The following OPCML variants were observed in gnomAD, a reference collection of about 807,000 sequenced individuals.
OPCML encodes opioid binding protein/cell adhesion molecule like, also known as opioid-binding protein/cell adhesion molecule.
In OPCML, 13 loss-of-function variants were observed where a neutral mutation model predicts 37.8. That is an observed-to-expected ratio of 0.34 (90% CI 0.22 to 0.55). The LOEUF is 0.55. Among genes scored for constraint, OPCML ranks in the 20% least tolerant of loss-of-function variants. The pLI is 0.91. For synonymous variants in OPCML, 176 were observed against 168.8 expected (o/e 1.04, Z -0.33); for missense variants, 341 against 435.6 (o/e 0.78, Z 1.93).
At chr11:133,245,663 G>A (rs753833792) in intron 1 of OPCML, among the ~76,000 whole-genome samples, 12 of 152,160 alleles carry the variant, frequency 7.9e-5, no homozygotes, top group Non-Finnish European at 1.5e-4. Flanking sequence ...ACTTCAGTAT[G>A]TTTTAAAGTC....
intron 2 of OPCML, among the ~76,000 whole-genome samples, chr11:132,727,040 A>C (rs994794221): frequency 1.3e-5 from 2 of 152,158 alleles, no homozygotes; most frequent in Non-Finnish European, 2.9e-5. Context: ...CTGCACATTC[A>C]TCAATGCTTA....
At chr11:132,448,742 T>A (rs148257186) in intron 4 of OPCML, among the ~76,000 whole-genome samples, 1 of 152,322 alleles carries the variant, frequency 6.6e-6, no homozygotes, top group East Asian at 1.9e-4. Flanking sequence ...CTGTGACTCA[T>A]GCTAACAGTA....
At chr11:132,748,325 C>G (rs765374931) in intron 2 of OPCML, among the ~76,000 whole-genome samples, 4 of 152,162 alleles carry the variant, frequency 2.6e-5, no homozygotes, top group Admixed American at 6.5e-5. Context: ...TTTCTACACT[C>G]TCACTCATTC....
intron 1 of OPCML, among the ~76,000 whole-genome samples, chr11:133,323,641 T>TGAG (rs987529822): frequency 6.6e-6 from 1 of 152,168 alleles, no homozygotes; most frequent in Non-Finnish European, 1.5e-5. Context: ...CCAAGTGGGC[T>TGAG]GAGGCATCCA....
intron 1 of OPCML, among the ~76,000 whole-genome samples, chr11:133,092,398 C>T (rs1312364829): frequency 6.6e-6 from 1 of 152,116 alleles, no homozygotes; most frequent in Admixed American, 6.6e-5. Flanking sequence ...AGACTGAGAA[C>T]CACAAAGAAT....
chr11:132,911,838 G>C (rs1944435722), intron 2 of OPCML, among the ~76,000 whole-genome samples: 1 of 152,188 alleles, frequency 6.6e-6, no homozygotes. Flanking sequence ...TTCTAGACTT[G>C]TCAGGCAGGT....
chr11:132,737,535 G>C (rs1211984482), intron 2 of OPCML, among the ~76,000 whole-genome samples: 1 of 152,086 alleles, frequency 6.6e-6, no homozygotes, highest in Non-Finnish European at 1.5e-5. Context: ...TCATTTATGT[G>C]ATACTATATA....
intron 3 of OPCML, among the ~76,000 whole-genome samples, chr11:132,648,145 T>C (rs1364084340): frequency 1.3e-5 from 2 of 152,232 alleles, no homozygotes; most frequent in Non-Finnish European, 2.9e-5. Flanking sequence ...AGTGACTGAC[T>C]AATCTTGCGG....
intron 3 of OPCML, among the ~76,000 whole-genome samples, chr11:132,633,649 AC>A (rs1235753238): frequency 2.0e-5 from 3 of 151,746 alleles, no homozygotes; most frequent in African/African-American, 7.3e-5. Flanking sequence ...AAGAGCTGAT[AC>A]CTCCTGATTT....
intron 1 of OPCML, among the ~76,000 whole-genome samples, chr11:133,496,795 T>TTCTG (rs1591566386): frequency 6.6e-6 from 1 of 152,198 alleles, no homozygotes; most frequent in East Asian, 1.9e-4. Context: ...TCTAGGAGCT[T>TTCTG]TCTGGAGGAG....
At chr11:133,427,455 C>A (rs1223413936) in intron 1 of OPCML, among the ~76,000 whole-genome samples, 4 of 151,692 alleles carry the variant, frequency 2.6e-5, no homozygotes, top group Non-Finnish European at 5.9e-5. Flanking sequence ...AAAATGAAGA[C>A]AAAACTTACC....
At chr11:132,912,801 A>G (rs1417899184) in intron 2 of OPCML, among the ~76,000 whole-genome samples, 1 of 152,198 alleles carries the variant, frequency 6.6e-6, no homozygotes, top group Non-Finnish European at 1.5e-5. Context: ...TGACTGGTTA[A>G]TACATCTTGA....
intron 1 of OPCML, among the ~76,000 whole-genome samples, chr11:133,003,261 A>G (rs1947043581): frequency 6.6e-6 from 1 of 152,200 alleles, no homozygotes; most frequent in Non-Finnish European, 1.5e-5. Context: ...TGAATTCAGC[A>G]TCACTGAGCC....
intron 2 of OPCML, among the ~76,000 whole-genome samples, chr11:132,730,660 A>G (rs1267473317): frequency 2.0e-5 from 3 of 152,180 alleles, no homozygotes; most frequent in African/African-American, 7.2e-5. Flanking sequence ...TACTGGCCTC[A>G]AAAGAAGACG....
intron 1 of OPCML, chr11:133,421,881 T>A: frequency 1.7e-6 from 1 of 591,782 alleles, no homozygotes; most frequent in Non-Finnish European, 2.1e-6. Context: ...ACAGAAACAG[T>A]GAGAAACAAT....
At chr11:132,801,778 T>C (rs1351930205) in intron 2 of OPCML, among the ~76,000 whole-genome samples, 1 of 152,204 alleles carries the variant, frequency 6.6e-6, no homozygotes, top group Non-Finnish European at 1.5e-5. Flanking sequence ...TCTAGGCTCA[T>C]GAATTCAGGA....
At chr11:132,804,882 T>A (rs2136212006) in intron 2 of OPCML, among the ~76,000 whole-genome samples, 1 of 152,236 alleles carries the variant, frequency 6.6e-6, no homozygotes, top group East Asian at 1.9e-4. Flanking sequence ...TCAATAGTCC[T>A]AAAAAGAAAG....
chr11:132,469,483 G>A (rs2096129068), intron 4 of OPCML, among the ~76,000 whole-genome samples: 1 of 150,380 alleles, frequency 6.6e-6, no homozygotes, highest in African/African-American at 2.4e-5. Context: ...TGTGTGTGTG[G>A]TGACTGTGTG....
Position 132,980,505 on chromosome 11 carries a change from A to T in OPCML, c.62-37495T>A, listed in dbSNP as rs977898413. Among the ~76,000 whole-genome samples, 4 of 152,312 alleles carry T rather than the reference A, an allele frequency of 2.6e-5. No individual in the cohort carries two copies. In the South Asian group the frequency reaches 8.3e-4, roughly 32 times the overall value. On this transcript the variant is annotated intron_variant, in intron 1 of 7. Transcript: ENST00000524381. ...TCTGTATTTGTTCTAAGTATTTCTTATTTTCTTAAAAAACATAGGCCCTGT... is the reference window on the plus strand; with the variant it reads ...TCTGTATTTGTTCTAAGTATTTCTTTTTTTCTTAAAAAACATAGGCCCTGT...
Sources: allele counts gnomAD v4.1 joint callset (sites outside exome capture counted in the v4.1 genomes callset), GRCh38; gene constraint gnomAD v4.1.1; transcripts MANE v1.5; gene names NCBI Gene and HGNC (gene_info 2026-07-23, HGNC 2026-07-21).